Variants in AIG1 observed in about 807,000 individuals in gnomAD.
AIG1 encodes the protein androgen induced 1.
AIG1 carries 23 observed loss-of-function variants against 31.4 expected under a neutral mutation model. The observed-to-expected ratio is 0.73, with a 90% confidence interval of 0.53 to 1.04. The LOEUF is 1.04. Among genes scored for constraint, AIG1 ranks in the 50% least tolerant of loss-of-function variants. The pLI is 0.00. For missense variants in AIG1, 274 were observed against 295.0 expected (o/e 0.93, Z 0.52); for synonymous variants, 100 against 110.5 (o/e 0.90, Z 0.60).
At chr6:143,108,382 A>G (rs976033273) in intron 1 of AIG1, among the ~76,000 whole-genome samples, 5 of 152,218 alleles carry the variant, frequency 3.3e-5, no homozygotes, top group Admixed American at 2.6e-4. Context: ...CTTGGAAAAC[A>G]TCTCCTGACC....
chr6:143,193,880 C>T (rs1410365272), intron 3 of AIG1, among the ~76,000 whole-genome samples: 1 of 152,090 alleles, frequency 6.6e-6, no homozygotes, highest in Non-Finnish European at 1.5e-5. Context: ...TAGAGAATTT[C>T]AGGGGTTTAG....
At chr6:143,219,407 C>T (rs1792286668) in intron 3 of AIG1, among the ~76,000 whole-genome samples, 3 of 152,138 alleles carry the variant, frequency 2.0e-5, no homozygotes, top group Admixed American at 2.0e-4. Flanking sequence ...GAGGTCGAGG[C>T]TGCCGTGATC....
chr6:143,319,047 C>T (rs1775989814), intron 4 of AIG1, among the ~76,000 whole-genome samples: 1 of 152,118 alleles, frequency 6.6e-6, no homozygotes, highest in South Asian at 2.1e-4. Flanking sequence ...CTAGTACAAC[C>T]ACTATGGAAA....
At chr6:143,121,878 T>C (rs748501774) in intron 1 of AIG1, among the ~76,000 whole-genome samples, 2 of 152,222 alleles carry the variant, frequency 1.3e-5, no homozygotes, top group Non-Finnish European at 2.9e-5. Flanking sequence ...CCTCGCTATC[T>C]TTAAAAGTTA....
intron 1 of AIG1, among the ~76,000 whole-genome samples, chr6:143,087,277 T>C (rs1386880786): frequency 6.6e-6 from 1 of 152,148 alleles, no homozygotes; most frequent in East Asian, 1.9e-4. Flanking sequence ...GTGGCAAGCC[T>C]TTTGTTCTCT....
chr6:143,166,138 A>G (rs956854998), intron 3 of AIG1, among the ~76,000 whole-genome samples: 1 of 152,168 alleles, frequency 6.6e-6, no homozygotes, highest in Non-Finnish European at 1.5e-5. Flanking sequence ...AACAAACATC[A>G]CTGTACTGAA....
At chr6:143,232,541 C>G (rs1793515700) in intron 3 of AIG1, among the ~76,000 whole-genome samples, 1 of 152,180 alleles carries the variant, frequency 6.6e-6, no homozygotes, top group Non-Finnish European at 1.5e-5. Context: ...CCTTCTTTGC[C>G]AAGATGCTTC....
chr6:143,290,246 G>T (rs932721963), intron 4 of AIG1, among the ~76,000 whole-genome samples: 9 of 152,224 alleles, frequency 5.9e-5, no homozygotes, highest in Non-Finnish European at 1.0e-4. Context: ...TTTAGAGCAG[G>T]AATGAAAGGA....
chr6:143,215,478 A>G (rs2128619269), intron 3 of AIG1, among the ~76,000 whole-genome samples: 1 of 152,320 alleles, frequency 6.6e-6, no homozygotes, highest in South Asian at 2.1e-4. Context: ...AGATATTGCA[A>G]ACCACTAAGT....
chr6:143,315,239 G>C (rs1363240904), intron 4 of AIG1, among the ~76,000 whole-genome samples: 1 of 152,110 alleles, frequency 6.6e-6, no homozygotes, highest in Non-Finnish European at 1.5e-5. Flanking sequence ...CTGCCGGCAA[G>C]TATTCTCAGG....
At chr6:143,252,250 G>A (rs1795061548) in intron 3 of AIG1, among the ~76,000 whole-genome samples, 1 of 152,184 alleles carries the variant, frequency 6.6e-6, no homozygotes, top group Admixed American at 6.5e-5. Flanking sequence ...CTCCCGAGTA[G>A]CTGGGATTAC....
chr6:143,333,296 A>T lies in AIG1; in HGVS notation c.530A>T (p.His177Leu). 2 of 1,612,082 alleles carry T rather than the reference A, an allele frequency of 1.2e-6. No homozygotes were observed. The highest frequency in any genetic ancestry group is 1.7e-6 in the Non-Finnish European group (2 of 1,179,278). ...VGYILWVCWV[H>L]HVTGMWVYPF... ...TTCTTTTGCAGGGTGTGCTGGGTGCATCATGTAACTGGCATGTGGGTGTAC... is the reference window on the plus strand; with the variant it reads ...TTCTTTTGCAGGGTGTGCTGGGTGCTTCATGTAACTGGCATGTGGGTGTAC... Residue 177 changes from histidine (H) to leucine (L), a missense_variant, in exon 5 of 6, where the codon CAT (histidine) becomes CTT (leucine). Physicochemically the swap from His to Leu is moderately conservative, Grantham distance 99. Transcript: ENST00000357847. This position sits in a 1 kb window ranked among gnomAD's most constrained non-coding sequence, Gnocchi z 4.6.
intron 4 of AIG1, among the ~76,000 whole-genome samples, chr6:143,306,016 A>G (rs1006177368): frequency 6.7e-6 from 1 of 149,210 alleles, no homozygotes; most frequent in African/African-American, 2.5e-5. Context: ...TGTTGGTTTA[A>G]AGTCTGTTTT....
At chr6:143,169,046 T>C (rs1787240557) in intron 3 of AIG1, among the ~76,000 whole-genome samples, 2 of 150,608 alleles carry the variant, frequency 1.3e-5, no homozygotes, top group South Asian at 4.4e-4. Flanking sequence ...TTTATATTTA[T>C]GGCTTAAAAA....
chr6:143,162,964 C>G (rs1308510844), intron 2 of AIG1, among the ~76,000 whole-genome samples: 1 of 152,164 alleles, frequency 6.6e-6, no homozygotes, highest in Non-Finnish European at 1.5e-5. Context: ...AGGGAGGAGG[C>G]TCAAGGTGGC....
intron 1 of AIG1, among the ~76,000 whole-genome samples, chr6:143,112,817 G>A (rs1338931111): frequency 6.6e-6 from 1 of 152,158 alleles, no homozygotes; most frequent in Non-Finnish European, 1.5e-5. Flanking sequence ...ATCCTCACAT[G>A]TAGAGAACTG....
chr6:143,133,257 G>T (rs1215005977), intron 1 of AIG1, among the ~76,000 whole-genome samples: 3 of 151,872 alleles, frequency 2.0e-5, no homozygotes, highest in Non-Finnish European at 2.9e-5. Flanking sequence ...GTATTGTTTG[G>T]GTGGATCTAT....
upstream of AIG1, chr6:143,060,574 A>AC: frequency 2.6e-6 from 1 of 383,974 alleles, no homozygotes; most frequent in South Asian, 1.8e-5. Context: ...CAGAGGTCGC[A>AC]TCCACACCTG....
intron 1 of AIG1, among the ~76,000 whole-genome samples, chr6:143,082,387 A>G (rs1778344407): frequency 6.6e-6 from 1 of 152,194 alleles, no homozygotes; most frequent in South Asian, 2.1e-4. Context: ...AGGTTTGAGC[A>G]ATTACTTGTT....
Sources: allele counts gnomAD v4.1 joint callset (sites outside exome capture counted in the v4.1 genomes callset), GRCh38; gene constraint gnomAD v4.1.1; non-coding constraint Gnocchi (gnomAD v3.1); transcripts MANE v1.5; gene names NCBI Gene and HGNC (gene_info 2026-07-23, HGNC 2026-07-21).